Variants in ADH7 observed in about 807,000 individuals in gnomAD.
The protein encoded by ADH7 is alcohol dehydrogenase 7 (class IV), mu or sigma polypeptide, also known as all-trans-retinol dehydrogenase [NAD(+)] ADH7.
Under a neutral mutation model 34.4 loss-of-function variants are expected in ADH7, and 41 were observed. That is an observed-to-expected ratio of 1.19 (90% confidence interval 0.93 to 1.55). The LOEUF (loss-of-function observed/expected upper bound fraction) is 1.55. Among genes scored for constraint, ADH7 ranks in the 40% most tolerant of loss-of-function variants. The pLI, the probability that ADH7 is intolerant of heterozygous loss-of-function variation, is 0.00. For missense variants in ADH7, 540 were observed against 461.2 expected, an observed-to-expected ratio of 1.17 and a Z score of -1.56; for synonymous variants, 180 against 160.9, an observed-to-expected ratio of 1.12 and a Z score of -0.90.
chr4:99,424,138 C>A (rs918334770), intron 5 of ADH7, among the ~76,000 whole-genome samples: 1 of 152,166 alleles, frequency 6.6e-6, no homozygotes, highest in Non-Finnish European at 1.5e-5. Flanking sequence ...AATAGGGAAT[C>A]CCTTCCCCAT....
rs919506121 is a variant in ADH7 at position 99,428,558 on chromosome 4, T to C, written c.193A>G (p.Ile65Val). The C allele has an allele frequency of 1.1e-5, 17 of 1,613,846 alleles. No individual in the cohort carries two copies. The highest frequency in any genetic ancestry group is 1.4e-5 in the Non-Finnish European group (17 of 1,179,912). ...KGTMVSKFPV[I>V]VGHEATGIVE... Reference sequence around the variant, plus strand: ...ATCCCAGTTGCCTCATGTCCCACAATCACTGGAAACTTGGACACCATTGTT... The same window carrying C: ...ATCCCAGTTGCCTCATGTCCCACAACCACTGGAAACTTGGACACCATTGTT... The change falls in exon 3 of 9, where the codon ATT becomes GTT. Residue 65 changes from isoleucine (I) to valine (V), a missense_variant. By Grantham distance (29) the Ile-to-Val change is conservative. Transcript: ENST00000437033.
rs1001352799 is a variant in ADH7, at chr4:99,420,480, G to T, written c.825+53C>A. ...AGTTATAGACAATTAAATTTACCTT[G>T]TGCATGTCTAATAACTTGGGTATTT... On this transcript the variant is annotated intron_variant, in intron 6 of 8. Transcript: ENST00000437033. 12 of 1,545,092 alleles carry T rather than the reference G, an allele frequency of 7.8e-6. No individual in the cohort carries two copies. The East Asian group carries it at 2.7e-4, about 35-fold the overall frequency.
At chr4:99,429,940 A>G (rs1721901824) in intron 1 of ADH7, among the ~76,000 whole-genome samples, 1 of 151,968 alleles carries the variant, frequency 6.6e-6, no homozygotes, top group South Asian at 2.1e-4. Context: ...TTCACATAAC[A>G]CCCCCACCCA....
rs1241119010 is a variant in ADH7, at chr4:99,412,662, A to G, written c.*486T>C. ...CTAATCCAGTAATATGCATCATGGA[A>G]TGAACTGATTTCAAAATGTAATCCA... On this transcript the variant is annotated 3_prime_UTR_variant, in exon 9 of 9. Coordinates refer to ENST00000437033, the MANE Select transcript of ADH7 (RefSeq NM_000673.7). 2 of 152,400 alleles carry G rather than the reference A, an allele frequency of 1.3e-5. No individual in the cohort carries two copies. The highest frequency in any genetic ancestry group is 4.8e-5 in the African/African-American group (2 of 41,452). 9.4% of individuals were successfully genotyped at this position (152,400 alleles called of 1,614,324 possible). A position where few individuals can be genotyped will look rare whatever the true frequency, so the allele number is the denominator to read the frequency against.
chr4:99,434,642 C>T (rs368804126), intron 1 of ADH7, among the ~76,000 whole-genome samples: 14 of 151,908 alleles, frequency 9.2e-5, no homozygotes, highest in African/African-American at 2.2e-4. Flanking sequence ...GTTTTTAGAA[C>T]GATAAACATA....
intron 5 of ADH7, among the ~76,000 whole-genome samples, chr4:99,427,323 A>G (rs990041387): frequency 2.0e-5 from 3 of 152,216 alleles, no homozygotes; most frequent in Non-Finnish European, 4.4e-5. Context: ...TATCTATAAC[A>G]GGTGATCTGA....
chr4:99,432,199 C>T (rs1223496126), intron 1 of ADH7, among the ~76,000 whole-genome samples: 1 of 152,080 alleles, frequency 6.6e-6, no homozygotes, highest in Non-Finnish European at 1.5e-5. Flanking sequence ...TTATCCTGAG[C>T]AAACGAATGC....
chr4:99,427,778 C>A lies in ADH7; in HGVS notation c.559G>T (p.Gly187Cys). The A allele has an allele frequency of 6.5e-7, 1 of 1,529,714 alleles. No individual in the cohort carries two copies. The highest frequency in any genetic ancestry group is 8.8e-7 in the Non-Finnish European group (1 of 1,138,448). The allele number at this position is 1,529,714 out of a possible 1,614,324, so 94.8% of individuals were successfully genotyped here. ...TAGCCTACCCTGTTTCTTACCTTGC[C>A]AGTTTTAACAGCAGCGCCATATCCA... ...STGYGAAVKT[G>C]KVKPGSTCVV... The change falls in exon 5 of 9, where the codon GGC (glycine) becomes TGC (cysteine). Residue 187 changes from glycine (G) to cysteine (C), a missense_variant. Physicochemically the swap from Gly to Cys is radical, Grantham distance 159. Transcript: ENST00000437033.
chr4:99,415,751 G>T, intron 7 of ADH7, 135 bp from the exon 8 acceptor site: 2 of 908,436 alleles, frequency 2.2e-6, no homozygotes, highest in Non-Finnish European at 1.6e-6. Context: ...GTACAAATAA[G>T]CTGTATTTGT....
chr4:99,427,941 G>T lies in ADH7; in HGVS notation c.396C>A (p.Cys132Ter). The T allele has an allele frequency of 6.2e-7, 1 of 1,613,992 alleles. No homozygotes were observed. Among genetic ancestry groups the T allele is most frequent in the Non-Finnish European group, 8.5e-7 (1 of 1,179,930 alleles). Residue 132 changes from cysteine (C) to a stop codon, truncating the protein, a stop_gained, in exon 5 of 9, where the codon TGC (cysteine) becomes TGA (stop). Transcript: ENST00000437033. LOFTEE classifies it high-confidence loss of function. Reference protein sequence around the residue: ...VLADGTTRFTCKGKPVHHFMN... With the variant: ...VLADGTTRFT The stretch of plus-strand genomic sequence containing the variant: ...TGAAGTGGTGGACTGGTTTGCCCTT[G>T]CATGTAAATCTGGTGGTGCCATCAG...
Position 99,429,637 on chromosome 4 carries a change from A to C in ADH7, c.19-4T>G. 6.2e-7 allele frequency: 1 copy of C among 1,601,150 alleles called. No homozygotes were observed. The highest frequency in any genetic ancestry group is 1.1e-5 in the South Asian group (1 of 89,598). On this transcript the variant is annotated splice_region_variant and splice_polypyrimidine_tract_variant and intron_variant, in intron 1 of 8. Coordinates refer to ENST00000437033, the MANE Select transcript of ADH7 (RefSeq NM_000673.7). ...CAGCTGCTTTGCATTTAATAACCTA[A>C]GAAATAGGCAAGTATTATAATGGGT...
chr4:99,431,848 A>G (rs1389182840), intron 1 of ADH7, among the ~76,000 whole-genome samples: 1 of 152,230 alleles, frequency 6.6e-6, no homozygotes, highest in Non-Finnish European at 1.5e-5. Context: ...CGAAAAGGGA[A>G]TACTTATGCA....
chr4:99,428,271 T>A (rs2054676761), intron 3 of ADH7, 97 bp from the exon 4 acceptor site: 3 of 1,324,640 alleles, frequency 2.3e-6, no homozygotes, highest in African/African-American at 2.9e-5. Context: ...GTAAAACTTT[T>A]AAAAATATAT....
chr4:99,414,284 G>A (rs1402653623), intron 8 of ADH7, among the ~76,000 whole-genome samples: 1 of 151,974 alleles, frequency 6.6e-6, no homozygotes, highest in African/African-American at 2.4e-5. Context: ...TAGACCAAAT[G>A]TGGAGACAAG....
At chr4:99,420,426 G>C (rs1014037632) in intron 6 of ADH7, 107 bp downstream of exon 6, 13 of 1,276,800 alleles carry the variant, frequency 1.0e-5, no homozygotes, top group Non-Finnish European at 1.4e-5. Flanking sequence ...GACTATCGCA[G>C]AGATATTTCC....
At chr4:99,424,028 T>C (rs1197269300) in intron 5 of ADH7, among the ~76,000 whole-genome samples, 1 of 152,088 alleles carries the variant, frequency 6.6e-6, no homozygotes, top group Non-Finnish European at 1.5e-5. Flanking sequence ...TGTTTAAGTC[T>C]TTAATCCATC....
chr4:99,427,704 C>A, intron 5 of ADH7, 69 bp downstream of exon 5: 1 of 1,162,804 alleles, frequency 8.6e-7, no homozygotes, highest in Non-Finnish European at 1.1e-6. Flanking sequence ...CAAAACTCTT[C>A]AAGATTCCAA....
chr4:99,428,181 G>A lies in ADH7; in HGVS notation c.260-7C>T, dbSNP rs760143454. 4 of 1,610,042 alleles carry A rather than the reference G, an allele frequency of 2.5e-6. No homozygotes were observed. The highest frequency in any genetic ancestry group is 1.7e-5 in the Admixed American group (1 of 59,700). On this transcript the variant is annotated splice_region_variant and splice_polypyrimidine_tract_variant and intron_variant, in intron 3 of 8. Transcript: ENST00000437033. ...AGAGGGATGACTTTGTCACCTACAG[G>A]AAAAAAATCATGATATAAGATGCTG...
intron 8 of ADH7, among the ~76,000 whole-genome samples, chr4:99,414,817 T>C (rs1721480358): frequency 6.6e-6 from 1 of 152,130 alleles, no homozygotes; most frequent in Non-Finnish European, 1.5e-5. Context: ...AATAAGGAAA[T>C]TTTGTGGCTT....
Sources: allele counts gnomAD v4.1 joint callset (sites outside exome capture counted in the v4.1 genomes callset), GRCh38; gene constraint gnomAD v4.1.1; transcripts MANE v1.5; gene names NCBI Gene and HGNC (gene_info 2026-07-23, HGNC 2026-07-21).